RBFOX3: variants seen among roughly 807,000 people sequenced by gnomAD.
RBFOX3 encodes RNA binding protein fox-1 homolog 3.
A neutral mutation model predicts 48.7 loss-of-function variants in RBFOX3; 17 were observed. The ratio of observed to expected loss-of-function variants is 0.35; its 90% CI spans 0.24 to 0.52. RBFOX3 has a LOEUF of 0.52. RBFOX3 is among the 20% of genes least tolerant of loss of function. RBFOX3 has a pLI of 0.94. For synonymous variants in RBFOX3, 212 were observed against 209.5 expected, an observed-to-expected ratio of 1.01 and a Z score of -0.10; for missense variants, 382 against 497.5, an observed-to-expected ratio of 0.77 and a Z score of 2.21.
intron 1 of RBFOX3, among the ~76,000 whole-genome samples, chr17:79,493,790 TA>T (rs1336329697): frequency 6.6e-6 from 1 of 152,158 alleles, no homozygotes; most frequent in Non-Finnish European, 1.5e-5. Context: ...GAAAGAAAGA[TA>T]AAAACCCTGA....
intron 2 of RBFOX3, among the ~76,000 whole-genome samples, chr17:79,474,951 C>T (rs1226141622): frequency 2.6e-5 from 4 of 152,162 alleles, no homozygotes; most frequent in African/African-American, 9.7e-5. Context: ...CTGGAGAGAC[C>T]TCACAGGCTC....
intron 2 of RBFOX3, among the ~76,000 whole-genome samples, chr17:79,468,446 C>T (rs1449124829): frequency 6.6e-6 from 1 of 151,544 alleles, no homozygotes; most frequent in African/African-American, 2.4e-5. Flanking sequence ...ATTGAACAGA[C>T]AGACAATAGA....
At position 79,318,848 on chromosome 17, in the gene RBFOX3, C is replaced by G. The variant is rs1380516581; in HGVS notation, c.-174-11024G>C. 7.1e-5 allele frequency among the ~76,000 whole-genome samples: 4 copies of G among 56,048 alleles called. No homozygotes were observed. The Admixed American group carries it at 9.8e-4, about 14-fold the overall frequency. The allele number at this position is 56,048 out of a possible 152,430, so 36.8% of individuals were successfully genotyped here. On this transcript the variant is annotated intron_variant, in intron 2 of 14. Coordinates refer to ENST00000693108, the MANE Select transcript of RBFOX3 (RefSeq NM_001350451.2). ...CCAGCCTGGGTGACAGAGCGAGACT[C>G]CATCTCAAAAAAAAAAAAAAAAAAA...
intron 1 of RBFOX3, among the ~76,000 whole-genome samples, chr17:79,608,125 G>A (rs954936962): frequency 2.6e-5 from 4 of 152,192 alleles, no homozygotes; most frequent in Non-Finnish European, 4.4e-5. Context: ...AGGCTGTGGA[G>A]GCCCCGGCCC....
chr17:79,642,794 A>T, the RBFOX3 span, among the ~76,000 whole-genome samples: 1 of 152,248 alleles, frequency 6.6e-6, no homozygotes, highest in Non-Finnish European at 1.5e-5. Flanking sequence ...ATGATAGATC[A>T]ATTCTAGCCA....
chr17:79,181,422 C>T (rs568953382), intron 4 of RBFOX3, among the ~76,000 whole-genome samples: 2 of 152,314 alleles, frequency 1.3e-5, no homozygotes, highest in South Asian at 2.1e-4. Flanking sequence ...AACCTGACCT[C>T]GGAGGCCTAT....
rs924164425 is a variant in RBFOX3, at chr17:79,242,226, C to A, written c.-73-6421G>T. On this transcript the variant is annotated intron_variant, in intron 3 of 14. Coordinates refer to ENST00000693108, the MANE Select transcript of RBFOX3 (RefSeq NM_001350451.2). The surrounding 1 kb of genome is among the most constrained non-coding windows in gnomAD (Gnocchi z 5.8). ...GGTGGAGGGGGTGCTACCTGAGGAG[C>A]CCCGGGGTGGGGGGCAGGCCGTATG... 2.7e-4 allele frequency among the ~76,000 whole-genome samples: 41 copies of A among 151,992 alleles called. No homozygotes were observed. The highest frequency in any genetic ancestry group is 9.2e-4 in the African/African-American group (38 of 41,362).
intron 2 of RBFOX3, among the ~76,000 whole-genome samples, chr17:79,475,252 C>G (rs973100353): frequency 6.6e-6 from 1 of 152,158 alleles, no homozygotes; most frequent in African/African-American, 2.4e-5. Flanking sequence ...TCCTGGGGTT[C>G]TTCCAATGTC....
At chr17:79,506,101 A>C (rs2083075871) in intron 1 of RBFOX3, among the ~76,000 whole-genome samples, 1 of 152,238 alleles carries the variant, frequency 6.6e-6, no homozygotes, top group African/African-American at 2.4e-5. Context: ...TAAGCGTTTG[A>C]GGAAGAGTAA....
intron 1 of RBFOX3, among the ~76,000 whole-genome samples, chr17:79,505,210 T>G (rs1239065872): frequency 6.6e-6 from 1 of 152,056 alleles, no homozygotes; most frequent in African/African-American, 2.4e-5. Flanking sequence ...TCATGATCGC[T>G]TCAGAAGAGG....
At chr17:79,620,565 C>A in the RBFOX3 span, among the ~76,000 whole-genome samples, 5 of 123,734 alleles carry the variant, frequency 4.0e-5, no homozygotes, top group South Asian at 2.9e-4. Context: ...ATGTGCACAC[C>A]CGCGCGTGCA....
At chr17:79,658,713 G>A in the RBFOX3 span, among the ~76,000 whole-genome samples, 11 of 152,054 alleles carry the variant, frequency 7.2e-5, no homozygotes, top group Non-Finnish European at 1.6e-4. Flanking sequence ...CTTTGGCACA[G>A]CACCGAGTGC....
intron 3 of RBFOX3, among the ~76,000 whole-genome samples, chr17:79,266,065 T>C (rs933297976): frequency 1.3e-5 from 2 of 152,400 alleles, no homozygotes; most frequent in East Asian, 1.9e-4. Flanking sequence ...CAGGTGAGAC[T>C]GTCTGCTCCA....
intron 3 of RBFOX3, among the ~76,000 whole-genome samples, chr17:79,274,118 G>T (rs1053228401): frequency 6.6e-6 from 1 of 152,134 alleles, no homozygotes; most frequent in Non-Finnish European, 1.5e-5. Flanking sequence ...GCCCTGGCCG[G>T]TCCTCCCACC....
At chr17:79,267,375 G>A (rs1329298315) in intron 3 of RBFOX3, among the ~76,000 whole-genome samples, 2 of 152,068 alleles carry the variant, frequency 1.3e-5, no homozygotes, top group Non-Finnish European at 2.9e-5. Context: ...GAGCCAAGAT[G>A]CCCATGTCAC....
At position 79,496,132 on chromosome 17, in the gene RBFOX3, C is replaced by A. The variant is rs923834970; in HGVS notation, c.-319-13534G>T. The stretch of plus-strand genomic sequence containing the variant: ...AGAGTCAGAGTTGGGGACTGAGAGT[C>A]CCCCTCTCGGGCTGGAGGCCAGGGC... On this transcript the variant is annotated intron_variant, in intron 1 of 14. Coordinates refer to ENST00000693108, the MANE Select transcript of RBFOX3 (RefSeq NM_001350451.2). Among the ~76,000 whole-genome samples the A allele has an allele frequency of 3.9e-5, 6 of 152,154 alleles. No individual in the cohort carries two copies. In the East Asian group the frequency reaches 1.2e-3, roughly 29 times the overall value.
intron 1 of RBFOX3, among the ~76,000 whole-genome samples, chr17:79,517,420 G>A (rs2085400057): frequency 6.9e-6 from 1 of 145,356 alleles, no homozygotes; most frequent in South Asian, 2.2e-4. Context: ...ACATCAGCCT[G>A]GACTATACAG....
intron 4 of RBFOX3, among the ~76,000 whole-genome samples, chr17:79,177,637 G>A (rs961402071): frequency 4.6e-5 from 7 of 152,294 alleles, no homozygotes; most frequent in Middle Eastern, 3.4e-3. Context: ...GGGACAGGTC[G>A]GGATGGGCAT....
the RBFOX3 span, among the ~76,000 whole-genome samples, chr17:79,643,789 A>T: frequency 6.6e-6 from 1 of 152,186 alleles, no homozygotes; most frequent in Non-Finnish European, 1.5e-5. Flanking sequence ...TATAGCTAAA[A>T]TAAAGCTTAG....
Sources: allele counts gnomAD v4.1 joint callset (sites outside exome capture counted in the v4.1 genomes callset), GRCh38; gene constraint gnomAD v4.1.1; non-coding constraint Gnocchi (gnomAD v3.1); transcripts MANE v1.5; gene names NCBI Gene and HGNC (gene_info 2026-07-23, HGNC 2026-07-21).